The following NAALADL2 variants were observed in gnomAD, a reference collection of about 807,000 sequenced individuals.
NAALADL2 encodes the protein N-acetylated alpha-linked acidic dipeptidase like 2, also known as inactive N-acetylated-alpha-linked acidic dipeptidase-like protein 2.
NAALADL2 carries 76 observed loss-of-function variants against 87.2 expected under a neutral mutation model. The ratio of observed to expected loss-of-function variants is 0.87; its 90% confidence interval spans 0.72 to 1.05. The LOEUF is 1.05. Among genes scored for constraint, NAALADL2 ranks in the 50% least tolerant of loss-of-function variants. The pLI, the probability that NAALADL2 is intolerant of heterozygous loss-of-function variation, is 0.00. For synonymous variants in NAALADL2, 354 were observed against 331.0 expected, an observed-to-expected ratio of 1.07 and a Z score of -0.75; for missense variants, 1,089 against 945.8, an observed-to-expected ratio of 1.15 and a Z score of -1.99.
Position 175,755,399 on chromosome 3 carries a change from G to A in NAALADL2, c.2170G>A (p.Ala724Thr), listed in dbSNP as rs1402687603. 2 of 1,599,044 alleles carry A rather than the reference G, an allele frequency of 1.3e-6. No homozygotes were observed. The highest frequency in any genetic ancestry group is 1.3e-5 in the African/African-American group (1 of 74,628). The change falls in exon 13 of 14, where the codon GCA becomes ACA. Residue 724 changes from alanine to threonine, a missense_variant. Coordinates refer to ENST00000454872, the MANE Select transcript of NAALADL2 (RefSeq NM_207015.3). ...GGAGAAAAGCTTTCTGGTAAAGCAGGCACCACCAGGTTTTTATAGGTAGGA... is the reference window on the plus strand; with the variant it reads ...GGAGAAAAGCTTTCTGGTAAAGCAGACACCACCAGGTTTTTATAGGTAGGA... ...DMEKSFLVKQ[A>T]PPGFYRNILY...
chr3:174,964,186 A>G (rs1742545187), intron 1 of NAALADL2, among the ~76,000 whole-genome samples: 1 of 152,096 alleles, frequency 6.6e-6, no homozygotes. Flanking sequence ...TTTGCCTGGC[A>G]CCATTTAAAG....
At chr3:174,575,202 T>A (rs569880320) in intron 2 of NAALADL2, among the ~76,000 whole-genome samples, 2 of 152,148 alleles carry the variant, frequency 1.3e-5, no homozygotes, top group African/African-American at 4.8e-5. Flanking sequence ...CTGCAGGATA[T>A]AATGAATAAA....
chr3:175,680,288 A>G (rs113288697), intron 11 of NAALADL2, among the ~76,000 whole-genome samples: 3 of 152,122 alleles, frequency 2.0e-5, no homozygotes, highest in South Asian at 2.1e-4. Context: ...TTTGTTTCCT[A>G]TTTGGGAGCT....
chr3:175,666,981 A>G (rs1442958911), intron 11 of NAALADL2, among the ~76,000 whole-genome samples: 1 of 151,940 alleles, frequency 6.6e-6, no homozygotes, highest in Non-Finnish European at 1.5e-5. Flanking sequence ...AGTACAGGGT[A>G]TGCTTTTGAC....
chr3:175,424,299 T>G (rs1046192478), intron 5 of NAALADL2, among the ~76,000 whole-genome samples: 10 of 152,180 alleles, frequency 6.6e-5, no homozygotes, highest in Admixed American at 5.2e-4. Flanking sequence ...TTTGTTGTCA[T>G]TGTTTTTGGT....
At chr3:174,969,028 A>G (rs1743257778) in intron 1 of NAALADL2, among the ~76,000 whole-genome samples, 1 of 152,152 alleles carries the variant, frequency 6.6e-6, no homozygotes, top group Admixed American at 6.5e-5. Flanking sequence ...TAAAATAGGG[A>G]GATTAAATAA....
At chr3:175,607,880 G>A (rs1166374804) in intron 10 of NAALADL2, among the ~76,000 whole-genome samples, 1 of 148,612 alleles carries the variant, frequency 6.7e-6, no homozygotes, top group Non-Finnish European at 1.5e-5. Flanking sequence ...GTTAGAGACA[G>A]AAGAGCAGGT....
intron 1 of NAALADL2, among the ~76,000 whole-genome samples, chr3:174,925,756 G>A (rs1414122764): frequency 6.6e-6 from 1 of 152,084 alleles, no homozygotes; most frequent in Non-Finnish European, 1.5e-5. Flanking sequence ...TCATTGAGCT[G>A]TGGTTTGTAG....
chr3:175,746,141 A>G (rs1338118502), intron 12 of NAALADL2, among the ~76,000 whole-genome samples: 1 of 151,854 alleles, frequency 6.6e-6, no homozygotes, highest in African/African-American at 2.4e-5. Context: ...ATAACTGACA[A>G]TGAGAATTTG....
chr3:175,750,475 C>A (rs929206775), intron 12 of NAALADL2, among the ~76,000 whole-genome samples: 4 of 152,038 alleles, frequency 2.6e-5, no homozygotes, highest in African/African-American at 9.7e-5. Context: ...CTTACAATAT[C>A]CAGCTCCATT....
intron 3 of NAALADL2, among the ~76,000 whole-genome samples, chr3:174,835,342 A>G (rs1458208732): frequency 6.6e-6 from 1 of 152,128 alleles, no homozygotes; most frequent in Non-Finnish European, 1.5e-5. Flanking sequence ...TATACCATAT[A>G]AAACGGTTAA....
chr3:174,946,687 G>T (rs1739474656), intron 1 of NAALADL2, among the ~76,000 whole-genome samples: 1 of 152,104 alleles, frequency 6.6e-6, no homozygotes, highest in Non-Finnish European at 1.5e-5. Context: ...ATGAAGAAAG[G>T]AGGGAGGAAA....
rs1731948223 is a variant in NAALADL2 at position 175,154,064 on chromosome 3, C to T, written c.545+56773C>T. Among the ~76,000 whole-genome samples, 2 of 152,130 alleles carry T rather than the reference C, an allele frequency of 1.3e-5. 1 individual carries two copies. Among genetic ancestry groups the T allele is most frequent in the African/African-American group, 4.8e-5 (2 of 41,424 alleles). Reference sequence around the variant, plus strand: ...ATAGGAACTCTTTTGAGGGGATTTACCCAGAGTTTACTCAAAGTGACTCCT... The same window carrying T: ...ATAGGAACTCTTTTGAGGGGATTTATCCAGAGTTTACTCAAAGTGACTCCT... On this transcript the variant is annotated intron_variant, in intron 2 of 13. Coordinates refer to ENST00000454872, the MANE Select transcript of NAALADL2 (RefSeq NM_207015.3).
At chr3:175,196,988 A>G (rs998960173) in intron 2 of NAALADL2, among the ~76,000 whole-genome samples, 4 of 152,030 alleles carry the variant, frequency 2.6e-5, no homozygotes, top group African/African-American at 9.7e-5. Context: ...GCACTAAAAA[A>G]TAAGAAAAAA....
intron 2 of NAALADL2, among the ~76,000 whole-genome samples, chr3:174,665,071 T>C (rs941306249): frequency 3.9e-5 from 6 of 152,194 alleles, no homozygotes; most frequent in Non-Finnish European, 7.3e-5. Context: ...CTCAGTCTTG[T>C]GGAAATTGTG....
At chr3:174,981,672 T>TA (rs546349340) in intron 1 of NAALADL2, among the ~76,000 whole-genome samples, 21 of 152,290 alleles carry the variant, frequency 1.4e-4, no homozygotes, top group South Asian at 2.1e-4. Context: ...CGGATCATGA[T>TA]AAAAAAACCC....
rs185868533 is a variant in NAALADL2 at position 175,059,649 on chromosome 3, A to G, written c.44-37141A>G. On this transcript the variant is annotated intron_variant, in intron 1 of 13. Coordinates refer to ENST00000454872, the MANE Select transcript of NAALADL2 (RefSeq NM_207015.3). ...AGTGCATGTTTTTTGGCTTTCTTTGATTCATTCTGGGCAAGCCATTCTTCC... is the reference window on the plus strand; with the variant it reads ...AGTGCATGTTTTTTGGCTTTCTTTGGTTCATTCTGGGCAAGCCATTCTTCC... 1,171 of 362,558 alleles carry G rather than the reference A, an allele frequency of 3.2e-3. 12 individuals carry two copies. The highest frequency in any genetic ancestry group is 0.024 in the African/African-American group (1,099 of 45,728). The allele number at this position is 362,558 out of a possible 1,614,324, so 22.5% of individuals were successfully genotyped here. A position where few individuals can be genotyped will look rare whatever the true frequency, so the allele number is the denominator to read the frequency against.
At chr3:174,952,623 A>G (rs1740541966) in intron 1 of NAALADL2, among the ~76,000 whole-genome samples, 1 of 152,112 alleles carries the variant, frequency 6.6e-6, no homozygotes, top group Non-Finnish European at 1.5e-5. Context: ...GGAATATTGG[A>G]CTGAAACATG....
At chr3:175,481,695 C>G (rs1726492386) in intron 9 of NAALADL2, among the ~76,000 whole-genome samples, 2 of 151,748 alleles carry the variant, frequency 1.3e-5, no homozygotes, top group Non-Finnish European at 2.9e-5. Context: ...ACCTAAATGT[C>G]TATCAGGAGG....
Sources: allele counts gnomAD v4.1 joint callset (sites outside exome capture counted in the v4.1 genomes callset), GRCh38; gene constraint gnomAD v4.1.1; transcripts MANE v1.5; gene names NCBI Gene and HGNC (gene_info 2026-07-23, HGNC 2026-07-21).